The following INPP5A variants were observed in gnomAD, a reference collection of about 807,000 sequenced individuals.
INPP5A encodes the protein inositol polyphosphate-5-phosphatase A.
Under a neutral mutation model 65.2 loss-of-function variants are expected in INPP5A, and 14 were observed. The observed-to-expected ratio is 0.21, with a 90% CI of 0.14 to 0.34. INPP5A has a LOEUF of 0.34. Among genes scored for constraint, INPP5A ranks in the 10% least tolerant of loss-of-function variants. INPP5A has a pLI of 1.00. For synonymous variants in INPP5A, 207 were observed against 208.3 expected, an observed-to-expected ratio of 0.99 and a Z score of 0.05; for missense variants, 431 against 545.6, an observed-to-expected ratio of 0.79 and a Z score of 2.09.
chr10:132,596,755 G>A (rs1019184261), intron 1 of INPP5A, among the ~76,000 whole-genome samples: 3 of 152,122 alleles, frequency 2.0e-5, no homozygotes, highest in African/African-American at 4.8e-5. Context: ...GTTTGTGTAC[G>A]TGTGTATGCA....
At chr10:132,715,990 C>G (rs1187015132) in intron 8 of INPP5A, among the ~76,000 whole-genome samples, 1 of 152,264 alleles carries the variant, frequency 6.6e-6, no homozygotes, top group East Asian at 1.9e-4. Context: ...TCGCCTTAGC[C>G]TCTCCAGGGC....
In INPP5A at chr10:132,575,587, C is replaced by T. The variant is rs1358904196; in HGVS notation, c.76-32328C>T. 6.6e-6 allele frequency among the ~76,000 whole-genome samples: 1 copy of T among 152,190 alleles called. No homozygotes were observed. The highest frequency in any genetic ancestry group is 6.5e-5 in the Admixed American group (1 of 15,286). ...CCTAACCCAACCACAAGCAGCGGAG[C>T]CAGTTATTTCTTGGCTTCTCTGTGG... is the stretch of plus-strand genomic sequence containing the variant. On this transcript the variant is annotated intron_variant, in intron 1 of 15. Coordinates refer to ENST00000368594, the MANE Select transcript of INPP5A (RefSeq NM_005539.5). The surrounding 1 kb of genome is among the most constrained non-coding windows in gnomAD (Gnocchi z 5.4).
At chr10:132,569,578 G>A (rs1346704884) in intron 1 of INPP5A, among the ~76,000 whole-genome samples, 3 of 151,950 alleles carry the variant, frequency 2.0e-5, no homozygotes, top group Non-Finnish European at 2.9e-5. Context: ...GGCTGGTCTC[G>A]AACTCCTGAG....
rs112754504 is a variant in INPP5A, at chr10:132,758,297, G to A, written c.904-7476G>A. 1.2e-4 allele frequency among the ~76,000 whole-genome samples: 11 copies of A among 94,644 alleles called. 1 individual carries two copies. The highest frequency in any genetic ancestry group is 4.0e-4 in the South Asian group (1 of 2,478). 62.1% of individuals were successfully genotyped at this position (94,644 alleles called of 152,430 possible). On this transcript the variant is annotated intron_variant, in intron 11 of 15. Transcript: ENST00000368594. ...CCCGGCCGACCCCACAGGCCAGTGC[G>A]ATGTTGTGGGTCCCTGGCTGACCCC...
chr10:132,754,041 C>G (rs1432650456), intron 11 of INPP5A: 1 of 152,254 alleles, frequency 6.6e-6, no homozygotes, highest in Admixed American at 6.5e-5. Flanking sequence ...AGCAGGGGCC[C>G]TCACCCACAT....
Position 132,659,083 on chromosome 10 carries a change from G to A in INPP5A, c.306+8578G>A, listed in dbSNP as rs959157579. Among the ~76,000 whole-genome samples, 6 of 152,202 alleles carry A rather than the reference G, an allele frequency of 3.9e-5. No individual in the cohort carries two copies. Among genetic ancestry groups the A allele is most frequent in the South Asian group, 2.1e-4 (1 of 4,832 alleles). On this transcript the variant is annotated intron_variant, in intron 4 of 15. Coordinates refer to ENST00000368594, the MANE Select transcript of INPP5A (RefSeq NM_005539.5). The surrounding 1 kb of genome is among the most constrained non-coding windows in gnomAD (Gnocchi z 5.5). ...CCTGGGGATGAGCAGCCCAGGAGGC[G>A]AAGATGCCTAGGTGGGTCCCCAGCT... is the stretch of plus-strand genomic sequence containing the variant.
intron 1 of INPP5A, among the ~76,000 whole-genome samples, chr10:132,586,566 C>G (rs1281943228): frequency 6.6e-6 from 1 of 152,190 alleles, no homozygotes; most frequent in Non-Finnish European, 1.5e-5. Flanking sequence ...GCATGGGGGA[C>G]TGGAGGTCAC....
intron 1 of INPP5A, among the ~76,000 whole-genome samples, chr10:132,552,215 T>C (rs2071061921): frequency 7.6e-6 from 1 of 131,434 alleles, no homozygotes; most frequent in South Asian, 2.6e-4. Flanking sequence ...GCATATTGAG[T>C]GGGATAGGGA....
At chr10:132,711,197 C>T (rs925828541) in intron 8 of INPP5A, among the ~76,000 whole-genome samples, 1 of 152,206 alleles carries the variant, frequency 6.6e-6, no homozygotes, top group African/African-American at 2.4e-5. Context: ...GCGCCTGGGC[C>T]CCTGCCCCCC....
chr10:132,765,653 C>T (rs530750349), intron 11 of INPP5A, 120 bp from the exon 12 acceptor site: 28 of 675,672 alleles, frequency 4.1e-5, no homozygotes, highest in South Asian at 1.2e-4. Context: ...ACAGATGTGG[C>T]GGCTCTGGGA....
intron 8 of INPP5A, among the ~76,000 whole-genome samples, chr10:132,723,205 T>C (rs1480535411): frequency 1.3e-5 from 2 of 152,218 alleles, no homozygotes; most frequent in Non-Finnish European, 2.9e-5. Context: ...GCCTGGCGGC[T>C]TTCTCGGGAA....
chr10:132,566,476 A>G (rs1166519749), intron 1 of INPP5A, among the ~76,000 whole-genome samples: 4 of 152,206 alleles, frequency 2.6e-5, no homozygotes. Flanking sequence ...GAGTGAAACC[A>G]TCTCGGCTTA....
chr10:132,703,141 C>T (rs951223808), intron 6 of INPP5A, among the ~76,000 whole-genome samples: 7 of 152,142 alleles, frequency 4.6e-5, no homozygotes, highest in Admixed American at 6.5e-5. Context: ...TGCGGTCACC[C>T]CTGTGACTTG....
At chr10:132,544,769 C>T (rs78918348) in intron 1 of INPP5A, among the ~76,000 whole-genome samples, 7,593 of 152,240 alleles carry the variant, frequency 0.05, 217 homozygotes, top group Non-Finnish European at 0.074. Flanking sequence ...GCATTTGGGA[C>T]GCAGCAGGCT....
chr10:132,624,859 C>T lies in INPP5A; in HGVS notation c.117+16903C>T, dbSNP rs535336989. On this transcript the variant is annotated intron_variant, in intron 2 of 15. Transcript: ENST00000368594. Reference sequence around the variant, plus strand: ...CACAGTGTCACCCTCCTGGCTGACACAGCTCCATGCCGCCGGTGCCAGGGC... The same window carrying T: ...CACAGTGTCACCCTCCTGGCTGACATAGCTCCATGCCGCCGGTGCCAGGGC... Among the ~76,000 whole-genome samples, 71 of 152,132 alleles carry T rather than the reference C, an allele frequency of 4.7e-4. 1 individual carries two copies. The highest frequency in any genetic ancestry group is 7.9e-4 in the Non-Finnish European group (54 of 67,968).
chr10:132,582,930 C>T (rs1032626817), intron 1 of INPP5A, among the ~76,000 whole-genome samples: 1 of 152,182 alleles, frequency 6.6e-6, no homozygotes, highest in African/African-American at 2.4e-5. Flanking sequence ...TGTTGCATTC[C>T]GACATAGATG....
chr10:132,701,466 G>C (rs912100383), intron 6 of INPP5A, among the ~76,000 whole-genome samples: 1 of 152,242 alleles, frequency 6.6e-6, no homozygotes, highest in African/African-American at 2.4e-5. Flanking sequence ...CCCCAGCCCT[G>C]GCCATACACC....
intron 1 of INPP5A, among the ~76,000 whole-genome samples, chr10:132,602,993 T>G (rs1216820438): frequency 6.6e-6 from 1 of 152,238 alleles, no homozygotes; most frequent in Non-Finnish European, 1.5e-5. Context: ...ATCTTCTGAA[T>G]CTATCTGGAG....
chr10:132,689,295 T>C (rs1395934602), intron 4 of INPP5A, among the ~76,000 whole-genome samples: 1 of 152,152 alleles, frequency 6.6e-6, no homozygotes, highest in Non-Finnish European at 1.5e-5. Flanking sequence ...ACGGTTGGGC[T>C]CCCTGCAGGC....
Sources: gnomAD v4.1 joint callset for allele counts (sites outside exome capture counted in the v4.1 genomes callset) on GRCh38, gnomAD v4.1.1 for gene constraint, Gnocchi (gnomAD v3.1) non-coding constraint, MANE v1.5 for transcripts, NCBI Gene and HGNC (gene_info 2026-07-23, HGNC 2026-07-21) for gene names.